The following PTGES2 variants were observed in gnomAD, a reference collection of about 807,000 sequenced individuals.
PTGES2 encodes GATE-binding factor 1.
In PTGES2, 35 loss-of-function variants were observed where a neutral mutation model predicts 44.5. The ratio of observed to expected loss-of-function variants is 0.79; its 90% CI spans 0.60 to 1.04. The LOEUF (loss-of-function observed/expected upper bound fraction) is 1.04. Ranked by LOEUF, PTGES2 falls within the 50% of genes least tolerant of loss-of-function variation. The pLI is 0.00. For synonymous variants in PTGES2, 221 were observed against 227.5 expected (o/e 0.97, Z 0.26); for missense variants, 517 against 521.4 (o/e 0.99, Z 0.08).
intron 1 of PTGES2, among the ~76,000 whole-genome samples, chr9:128,126,717 G>A (rs1464717452): frequency 6.6e-6 from 1 of 151,848 alleles, no homozygotes; most frequent in Non-Finnish European, 1.5e-5. Flanking sequence ...AAAATTAGCC[G>A]GGCTGGGTGG....
chr9:128,127,073 G>A (rs1270909626), intron 1 of PTGES2, among the ~76,000 whole-genome samples: 2 of 151,102 alleles, frequency 1.3e-5, no homozygotes, highest in Non-Finnish European at 2.9e-5. Context: ...CAGCTACTCG[G>A]GAGGCTGAGG....
intron 1 of PTGES2, among the ~76,000 whole-genome samples, chr9:128,127,212 A>G (rs1293941088): frequency 1.3e-5 from 2 of 149,206 alleles, no homozygotes; most frequent in African/African-American, 4.9e-5. Flanking sequence ...AAAAAAAAAA[A>G]ACCACGGTAG....
chr9:128,122,762 G>A (rs1435754647), intron 5 of PTGES2, 172 bp downstream of exon 5: 10 of 709,236 alleles, frequency 1.4e-5, no homozygotes, highest in Non-Finnish European at 2.3e-5. Context: ...GTGAGCAGGA[G>A]CTCTGGGTCC....
chr9:128,125,012 G>A, intron 2 of PTGES2: 2 of 762,212 alleles, frequency 2.6e-6, no homozygotes, highest in Non-Finnish European at 2.0e-6. Flanking sequence ...AATCTATGTT[G>A]TTAAGCTGTG....
Position 128,123,886 on chromosome 9 carries a change from T to A in PTGES2, c.537-35A>T. The stretch of plus-strand genomic sequence containing the variant: ...GAGCCACAATATCACCCCAACTCCT[T>A]CCCCCTCCGTCCCCTGTGGCCGACC... On this transcript the variant is annotated intron_variant, in intron 3 of 6. Coordinates refer to ENST00000338961, the MANE Select transcript of PTGES2 (RefSeq NM_025072.7). This position sits in a 1 kb window ranked among gnomAD's most constrained non-coding sequence, Gnocchi z 4.4. 1 of 1,592,088 alleles carries A rather than the reference T, an allele frequency of 6.3e-7. No individual in the cohort carries two copies. Among genetic ancestry groups the A allele is most frequent in the Non-Finnish European group, 8.6e-7 (1 of 1,163,906 alleles).
chr9:128,128,262 G>A, upstream of PTGES2: 1 of 455,000 alleles, frequency 2.2e-6, no homozygotes, highest in Non-Finnish European at 4.4e-6. Context: ...AGGGGCCTTG[G>A]AAACCACGTG....
chr9:128,124,374 C>T (rs1834539436), intron 3 of PTGES2, 118 bp downstream of exon 3: 3 of 890,768 alleles, frequency 3.4e-6, no homozygotes, highest in Non-Finnish European at 3.5e-6. Flanking sequence ...GCGAGCCACT[C>T]TGTACTCTGG....
chr9:128,125,666 G>A (rs145886468), intron 1 of PTGES2, among the ~76,000 whole-genome samples: 108 of 152,254 alleles, frequency 7.1e-4, no homozygotes, highest in South Asian at 1.2e-3. Context: ...CCTTTGCTGC[G>A]AGGTTGTGTA....
In PTGES2 at chr9:128,122,444, T is replaced by C. The variant is rs148410344; in HGVS notation, c.923A>G (p.Tyr308Cys). 161 of 1,614,106 alleles carry C rather than the reference T, an allele frequency of 1.0e-4. No homozygotes were observed. The highest frequency in any genetic ancestry group is 7.1e-4 in the African/African-American group (53 of 75,048). Residue 308 changes from tyrosine to cysteine, a missense_variant, in exon 6 of 7, where the codon TAT becomes TGT. Transcript: ENST00000338961. Reference protein sequence around the residue: ...RLQDNVREDLYEAADKWVAAV... With the variant: ...RLQDNVREDLCEAADKWVAAV... ...AGCCACCCACTTGTCAGCAGCCTCA[T>C]AGAGGTCCTCGCGCACGTTGTCCTG...
chr9:128,122,189 G>A (rs1322718932), intron 6 of PTGES2, among the ~76,000 whole-genome samples, 173 bp downstream of exon 6: 1 of 152,216 alleles, frequency 6.6e-6, no homozygotes, highest in Non-Finnish European at 1.5e-5. Flanking sequence ...GCGGTTCCTG[G>A]TCATCTGTTT....
At chr9:128,127,988 G>C (rs938106922), upstream of PTGES2, 9 of 437,614 alleles carry the variant, frequency 2.1e-5, no homozygotes, top group African/African-American at 8.3e-5. Flanking sequence ...CCGACTGCAG[G>C]GGGGCGAACG....
In PTGES2 at chr9:128,123,965, ACT is replaced by A. The variant is rs1834523604; in HGVS notation, c.537-116_537-115del. The A allele has an allele frequency of 8.3e-7, 1 of 1,201,540 alleles. No individual in the cohort carries two copies. Among genetic ancestry groups the A allele is most frequent in the African/African-American group, 1.5e-5 (1 of 66,020 alleles). The allele number at this position is 1,201,540 out of a possible 1,614,324, so 74.4% of individuals were successfully genotyped here. A position where few individuals can be genotyped will look rare whatever the true frequency, so the allele number is the denominator to read the frequency against. On this transcript the variant is annotated intron_variant, in intron 3 of 6. Transcript: ENST00000338961. The surrounding 1 kb of genome is among the most constrained non-coding windows in gnomAD (Gnocchi z 4.4). ...GCCAGGACCAACAAAGGCTCTCCGGACTCTTGCAGTAAGAGGGATTTGGAGTA... is the reference window on the plus strand; with the variant it reads ...GCCAGGACCAACAAAGGCTCTCCGGACTTGCAGTAAGAGGGATTTGGAGTA...
upstream of PTGES2, chr9:128,128,110 C>T (rs997274084): frequency 2.7e-6 from 1 of 367,146 alleles, no homozygotes; most frequent in Non-Finnish European, 5.3e-6. Context: ...TTCCTAGAGT[C>T]AGTACAGGCG....
At chr9:128,127,402 G>GATCAGC (rs1413090605) in intron 1 of PTGES2, 37 bp downstream of exon 1, 1 of 1,332,490 alleles carries the variant, frequency 7.5e-7, no homozygotes, top group African/African-American at 1.5e-5. Context: ...GTTCGGCGCT[G>GATCAGC]ATCAGCATCC....
At chr9:128,124,624 G>C in intron 2 of PTGES2, 74 bp from the exon 3 acceptor site, 1 of 1,490,902 alleles carries the variant, frequency 6.7e-7, no homozygotes, top group Non-Finnish European at 9.3e-7. Flanking sequence ...TCTTTAACAA[G>C]ACACTCTGGG....
intron 2 of PTGES2, chr9:128,124,925 A>T: frequency 8.2e-7 from 1 of 1,220,694 alleles, no homozygotes; most frequent in Non-Finnish European, 1.0e-6. Context: ...AAGCGCAGAG[A>T]GGCTAAGTGA....
At chr9:128,124,868 G>T in intron 2 of PTGES2, 1 of 1,241,914 alleles carries the variant, frequency 8.1e-7, no homozygotes, top group Non-Finnish European at 1.0e-6. Flanking sequence ...CATATCTGCC[G>T]TCCCTGCAAG....
intron 1 of PTGES2, among the ~76,000 whole-genome samples, chr9:128,126,430 T>C (rs931345814): frequency 6.6e-6 from 1 of 152,116 alleles, no homozygotes; most frequent in Admixed American, 6.5e-5. Context: ...TCCATAAAGG[T>C]ACCACCACTA....
chr9:128,122,906 C>T (rs1834470487), intron 5 of PTGES2, 28 bp downstream of exon 5: 1 of 1,610,438 alleles, frequency 6.2e-7, no homozygotes, highest in Non-Finnish European at 8.5e-7. Flanking sequence ...TCGGGGACAG[C>T]AGGCCCCGGA....
Sources: gnomAD v4.1 joint callset for allele counts (sites outside exome capture counted in the v4.1 genomes callset) on GRCh38, gnomAD v4.1.1 for gene constraint, Gnocchi (gnomAD v3.1) non-coding constraint, MANE v1.5 for transcripts, NCBI Gene and HGNC (gene_info 2026-07-23, HGNC 2026-07-21) for gene names.